Variants in ATXN7L3 observed in about 807,000 individuals in gnomAD.
The protein encoded by ATXN7L3 is ataxin-7-like protein 3.
ATXN7L3 carries 6 observed loss-of-function variants against 50.0 expected under a neutral mutation model. The observed-to-expected ratio is 0.12, with a 90% CI of 0.07 to 0.24. The LOEUF (loss-of-function observed/expected upper bound fraction) is 0.24. ATXN7L3 is among the 10% of genes least tolerant of loss of function. The probability of loss-of-function intolerance (pLI) is 1.00; values close to 1 mark genes in which losing one functional copy is unlikely to be tolerated. For missense variants in ATXN7L3, 322 were observed against 451.3 expected (o/e 0.71, Z 2.60); for synonymous variants, 198 against 165.8 (o/e 1.19, Z -1.49).
intron 7 of ATXN7L3, 46 bp downstream of exon 7, chr17:44,195,988 C>T (rs2055873504): frequency 1.3e-6 from 2 of 1,589,140 alleles, no homozygotes; most frequent in Admixed American, 1.7e-5. Context: ...CAATGAGTCC[C>T]AGAAGACACA....
intron 1 of ATXN7L3, chr17:44,199,286 C>G (rs962245176): frequency 4.0e-5 from 6 of 151,420 alleles, no homozygotes; most frequent in Non-Finnish European, 7.4e-5. Flanking sequence ...CCTGCCCCGC[C>G]CAAGGGGGAC....
intron 7 of ATXN7L3, 53 bp from the exon 8 acceptor site, chr17:44,195,881 G>C: frequency 6.3e-7 from 1 of 1,588,590 alleles, no homozygotes; most frequent in Middle Eastern, 1.7e-4. Context: ...TACAGACAGA[G>C]AACCCTGAAA....
chr17:44,194,112 A>C lies in ATXN7L3; in HGVS notation c.*151T>G, dbSNP rs2055792855. 4.9e-6 allele frequency: 5 copies of C among 1,014,660 alleles called. No individual in the cohort carries two copies. The highest frequency in any genetic ancestry group is 7.2e-6 in the Non-Finnish European group (5 of 691,206). The allele number at this position is 1,014,660 out of a possible 1,614,324, so 62.9% of individuals were successfully genotyped here. On this transcript the variant is annotated 3_prime_UTR_variant, in exon 13 of 13. Coordinates refer to ENST00000587097, the MANE Select transcript of ATXN7L3 (RefSeq NM_001382309.1). Reference sequence around the variant, plus strand: ...ATTGCAGAGGACTTTGACACCCCCCAGGGGCGCATAATCGGATCCTCTGCC... The same window carrying C: ...ATTGCAGAGGACTTTGACACCCCCCCGGGGCGCATAATCGGATCCTCTGCC...
intron 1 of ATXN7L3, chr17:44,198,380 GCTCACCCTAGGTCCCCAAAAC>G (rs2056001913): frequency 2.7e-6 from 1 of 364,786 alleles, no homozygotes; most frequent in Non-Finnish European, 4.9e-6. Context: ...GGAGGCAGCA[GCTCACCCTAGGTCCCCAAAAC>G]TCAAACCCCT....
intron 5 of ATXN7L3, 25 bp downstream of exon 5, chr17:44,196,904 C>T (rs749378466): frequency 1.8e-5 from 28 of 1,573,316 alleles, no homozygotes; most frequent in South Asian, 2.2e-5. Context: ...CAATGCCCCC[C>T]GGGTTTCCCC....
chr17:44,197,855 G>C, intron 2 of ATXN7L3, 125 bp from the exon 3 acceptor site: 1 of 1,536,428 alleles, frequency 6.5e-7, no homozygotes, highest in Non-Finnish European at 8.9e-7. Context: ...TCCCCATCTT[G>C]ACTTCGTGTT....
At chr17:44,197,127 T>C in intron 4 of ATXN7L3, 101 bp from the exon 5 acceptor site, 1 of 1,555,476 alleles carries the variant, frequency 6.4e-7, no homozygotes, top group South Asian at 1.2e-5. Context: ...AGGTGGAGCA[T>C]CTGGGGCCAA....
At position 44,196,917 on chromosome 17, in the gene ATXN7L3, A is replaced by G; in HGVS notation, c.454+12T>C. On this transcript the variant is annotated intron_variant, in intron 5 of 12. Coordinates refer to ENST00000587097, the MANE Select transcript of ATXN7L3 (RefSeq NM_001382309.1). Reference sequence around the variant, plus strand: ...CCCAATGCCCCCCGGGTTTCCCCAGATCCCCAAGCACCTTTCTTCTCCGAG... The same window carrying G: ...CCCAATGCCCCCCGGGTTTCCCCAGGTCCCCAAGCACCTTTCTTCTCCGAG... 1 of 1,604,404 alleles carries G rather than the reference A, an allele frequency of 6.2e-7. No individual in the cohort carries two copies. Among genetic ancestry groups the G allele is most frequent in the Non-Finnish European group, 8.5e-7 (1 of 1,172,230 alleles).
chr17:44,194,675 C>T lies in ATXN7L3; in HGVS notation c.738-1G>A. The stretch of plus-strand genomic sequence containing the variant: ...GGAGCTCTCGACCTCTGGAAGGACA[C>T]TGGAAAGGGGATGAGCCAAAGAAGG... On this transcript the variant is annotated splice_acceptor_variant, in intron 11 of 12. Transcript: ENST00000587097. LOFTEE classifies it high-confidence loss of function. 1 of 1,613,996 alleles carries T rather than the reference C, an allele frequency of 6.2e-7. No individual in the cohort carries two copies. Among genetic ancestry groups the T allele is most frequent in the Non-Finnish European group, 8.5e-7 (1 of 1,179,908 alleles).
intron 1 of ATXN7L3, among the ~76,000 whole-genome samples, chr17:44,198,710 A>T (rs2056018634): frequency 6.6e-6 from 1 of 150,794 alleles, no homozygotes; most frequent in Non-Finnish European, 1.5e-5. Context: ...GAGCTAAGGG[A>T]CATTTCTAGC....
chr17:44,195,869 G>A (rs149657233), intron 7 of ATXN7L3, 41 bp from the exon 8 acceptor site: 3 of 1,597,130 alleles, frequency 1.9e-6, no homozygotes, highest in East Asian at 2.2e-5. Context: ...TTGATGCAGA[G>A]GTACAGACAG....
chr17:44,199,309 G>A (rs1317042915), intron 1 of ATXN7L3, 187 bp downstream of exon 1: 3 of 150,888 alleles, frequency 2.0e-5, no homozygotes, highest in African/African-American at 7.3e-5. Context: ...AGACGGGGGA[G>A]AGCCAGGGGC....
chr17:44,197,885 T>C, intron 2 of ATXN7L3, 135 bp downstream of exon 2: 3 of 1,513,682 alleles, frequency 2.0e-6, no homozygotes, highest in East Asian at 4.5e-5. Flanking sequence ...TCCTGGATCC[T>C]TGGCTTTTTC....
intron 1 of ATXN7L3, chr17:44,198,507 C>A (rs1363885418): frequency 6.0e-6 from 1 of 166,266 alleles, no homozygotes; most frequent in Non-Finnish European, 1.3e-5. Flanking sequence ...TGCACAGACT[C>A]CTAAATACAC....
intron 5 of ATXN7L3, 33 bp downstream of exon 5, chr17:44,196,896 A>AGGTTGGGT (rs1408855838): frequency 6.5e-7 from 1 of 1,538,172 alleles, no homozygotes; most frequent in Non-Finnish European, 9.0e-7. Flanking sequence ...CCTCATCCCA[A>AGGTTGGGT]TGCCCCCCGG....
At chr17:44,195,319 G>A in intron 9 of ATXN7L3, 100 bp downstream of exon 9, 6 of 1,394,548 alleles carry the variant, frequency 4.3e-6, no homozygotes, top group Non-Finnish European at 6.1e-6. Flanking sequence ...GAACGATACG[G>A]CCCTGACTGC....
chr17:44,199,318 GC>G, intron 1 of ATXN7L3, 177 bp downstream of exon 1: 1 of 151,122 alleles, frequency 6.6e-6, no homozygotes, highest in Non-Finnish European at 1.5e-5. Flanking sequence ...AGAGCCAGGG[GC>G]CCCGGCCCGG....
chr17:44,198,111 C>CGTAAACTCTTGTGGAGACGGCGCTCTG lies in ATXN7L3; in HGVS notation c.-42_-41insCAGAGCGCCGTCTCCACAAGAGTTTAC. 1 of 1,603,478 alleles carries CGTAAACTCTTGTGGAGACGGCGCTCTG rather than the reference C, an allele frequency of 6.2e-7. No individual in the cohort carries two copies. The highest frequency in any genetic ancestry group is 8.5e-7 in the Non-Finnish European group (1 of 1,171,708). On this transcript the variant is annotated 5_prime_UTR_variant, in exon 2 of 13. Coordinates refer to ENST00000587097, the MANE Select transcript of ATXN7L3 (RefSeq NM_001382309.1). ...GAGACGGCGCTCTGACTGCTCATAGCACAGCGGGCGGCAACACGGCTGCAC... is the reference window on the plus strand; with the variant it reads ...GAGACGGCGCTCTGACTGCTCATAGCGTAAACTCTTGTGGAGACGGCGCTCTGACAGCGGGCGGCAACACGGCTGCAC...
At position 44,194,555 on chromosome 17, in the gene ATXN7L3, C is replaced by G. The variant is rs1328575727; in HGVS notation, c.857G>C (p.Gly286Ala). 6.2e-7 allele frequency: 1 copy of G among 1,613,644 alleles called. No individual in the cohort carries two copies. The highest frequency in any genetic ancestry group is 8.5e-7 in the Non-Finnish European group (1 of 1,179,972). The change falls in exon 12 of 13, where the codon GGC (glycine) becomes GCC (alanine). Residue 286 changes from glycine to alanine, a missense_variant. Physicochemically the swap from Gly to Ala is moderately conservative, Grantham distance 60 (BLOSUM62 0). Coordinates refer to ENST00000587097, the MANE Select transcript of ATXN7L3 (RefSeq NM_001382309.1). ...GSSDLSPSDS[G>A]SSKTSENQGW... ...CTGATTTTCACTCGTCTTGGAGGAG[C>G]CTGAATCAGAGGGTGAGAGGTCAGA...
Sources: allele counts gnomAD v4.1 joint callset (sites outside exome capture counted in the v4.1 genomes callset), GRCh38; gene constraint gnomAD v4.1.1; transcripts MANE v1.5; gene names NCBI Gene and HGNC (gene_info 2026-07-23, HGNC 2026-07-21).